Variants in CPNE1 observed in about 807,000 individuals in gnomAD.
The protein encoded by CPNE1 is copine-1.
A neutral mutation model predicts 63.2 loss-of-function variants in CPNE1; 58 were observed. That is an observed-to-expected ratio of 0.92 (90% CI 0.74 to 1.14). The LOEUF is 1.14. CPNE1 is among the 50% of genes most tolerant of loss of function. CPNE1 has a pLI of 0.00. For missense variants in CPNE1, 672 were observed against 661.7 expected (o/e 1.02, Z -0.17); for synonymous variants, 237 against 249.0 (o/e 0.95, Z 0.45).
At chr20:35,658,802 A>AACACACAC (rs10542710) in intron 1 of CPNE1, 256 of 473,544 alleles carry the variant, frequency 5.4e-4, no homozygotes, top group African/African-American at 1.6e-3. Context: ...AGCAAACAAA[A>AACACACAC]ACACACACAC....
At chr20:35,655,064 G>T (rs1250216283) in intron 1 of CPNE1, 2 of 1,614,050 alleles carry the variant, frequency 1.2e-6, no homozygotes, top group South Asian at 1.1e-5. Context: ...AAACGCCTAC[G>T]ACTCAGTTCA....
At chr20:35,655,355 G>A in intron 1 of CPNE1, 3 of 1,576,992 alleles carry the variant, frequency 1.9e-6, no homozygotes, top group African/African-American at 1.4e-5. Context: ...CTGCAGATGA[G>A]AAAAGGCAAC....
At chr20:35,658,913 T>C (rs976825639) in intron 1 of CPNE1, 3 of 713,310 alleles carry the variant, frequency 4.2e-6, no homozygotes, top group Admixed American at 2.0e-5. Flanking sequence ...ACGAACTCTC[T>C]ATTCAAAATC....
chr20:35,644,998 C>A (rs181493049), intron 1 of CPNE1, among the ~76,000 whole-genome samples: 13 of 152,156 alleles, frequency 8.5e-5, no homozygotes, highest in Admixed American at 8.5e-4. Flanking sequence ...CCATCCCTCC[C>A]GGCTGAAATC....
chr20:35,629,075 TACACACACACAC>T (rs371334408), intron 13 of CPNE1, among the ~76,000 whole-genome samples: 1 of 151,726 alleles, frequency 6.6e-6, no homozygotes, highest in African/African-American at 2.4e-5. Context: ...TATACATGTG[TACACACACACAC>T]ACATATACAC....
chr20:35,660,432 G>A (rs2034170778), intron 1 of CPNE1, among the ~76,000 whole-genome samples: 1 of 152,104 alleles, frequency 6.6e-6, no homozygotes, highest in Non-Finnish European at 1.5e-5. Flanking sequence ...TACCCAGGCT[G>A]GTCTCTTAAC....
rs2032206719 is a variant in CPNE1, at chr20:35,632,318, G to A, written c.377C>T (p.Thr126Ile). 1 of 1,614,002 alleles carries A rather than the reference G, an allele frequency of 6.2e-7. No homozygotes were observed. Among genetic ancestry groups the A allele is most frequent in the Non-Finnish European group, 8.5e-7 (1 of 1,179,958 alleles). Reference sequence around the variant, plus strand: ...CCTTGCTGGGTTCCTTACCGTGATGGTCCCCCGCCCAGCAGGTTTTCCAGG... The same window carrying A: ...CCTTGCTGGGTTCCTTACCGTGATGATCCCCCGCCCAGCAGGTTTTCCAGG... ...LKPGKPAGRG[T>I]ITVSAQELKD... Residue 126 changes from threonine (T) to isoleucine (I), a missense_variant, in exon 4 of 16, where the codon ACC becomes ATC. Thr to Ile is a moderately conservative substitution (Grantham distance 89). Transcript: ENST00000397443.
Position 35,632,636 on chromosome 20 carries a change from G to A in CPNE1, c.190C>T (p.Leu64Phe). Residue 64 changes from leucine (L) to phenylalanine (F), a missense_variant, in exon 3 of 16, where the codon CTT becomes TTT. Physicochemically the swap from Leu to Phe is conservative, Grantham distance 22 (BLOSUM62 0). Transcript: ENST00000397443. ...SSPEFSKTLQLEYRFETVQKL... is the reference protein window; with the variant it reads ...SSPEFSKTLQFEYRFETVQKL... ...TGGACTGTCTCAAAGCGGTACTCAA[G>A]CTGTAGAGTCTTGGAGAACTCAGGG... is the stretch of plus-strand genomic sequence containing the variant. 3 of 1,504,244 alleles carry A rather than the reference G, an allele frequency of 2.0e-6. No homozygotes were observed. The highest frequency in any genetic ancestry group is 2.3e-5 in the South Asian group (2 of 88,836). The allele number at this position is 1,504,244 out of a possible 1,614,324, so 93.2% of individuals were successfully genotyped here.
At chr20:35,641,438 C>T (rs1481658708) in intron 1 of CPNE1, among the ~76,000 whole-genome samples, 3 of 152,134 alleles carry the variant, frequency 2.0e-5, no homozygotes, top group Non-Finnish European at 2.9e-5. Flanking sequence ...GGCCTTATTC[C>T]TTCCTAGCCA....
At chr20:35,646,275 A>G (rs1016972330) in intron 1 of CPNE1, among the ~76,000 whole-genome samples, 23 of 149,948 alleles carry the variant, frequency 1.5e-4, no homozygotes, top group African/African-American at 3.7e-4. Context: ...AAAAAAAAAA[A>G]AAAGAAACAA....
At chr20:35,664,268 T>G (rs2034407826) in intron 1 of CPNE1, 2 of 152,298 alleles carry the variant, frequency 1.3e-5, no homozygotes, top group African/African-American at 4.8e-5. Context: ...TCCCCACAGG[T>G]GTGACCTGGG....
chr20:35,629,799 C>T (rs1692941903), intron 13 of CPNE1, among the ~76,000 whole-genome samples: 1 of 152,004 alleles, frequency 6.6e-6, no homozygotes, highest in African/African-American at 2.4e-5. Flanking sequence ...GCTAGAACTA[C>T]AGGCGCCTGC....
intron 13 of CPNE1, among the ~76,000 whole-genome samples, chr20:35,629,654 C>G (rs541130830): frequency 1.3e-5 from 2 of 149,420 alleles, no homozygotes; most frequent in African/African-American, 2.4e-5. Context: ...CATGTGGCAT[C>G]ATTTTTTTTT....
At chr20:35,652,280 C>A in intron 1 of CPNE1, 1 of 425,028 alleles carries the variant, frequency 2.4e-6, no homozygotes, top group Non-Finnish European at 4.2e-6. Context: ...CAAATGGTTT[C>A]TCTAATGGTA....
chr20:35,663,619 C>A (rs1280170552), intron 1 of CPNE1, among the ~76,000 whole-genome samples: 1 of 152,138 alleles, frequency 6.6e-6, no homozygotes, highest in Non-Finnish European at 1.5e-5. Context: ...GCCCAGAAAT[C>A]TCTTAAAGTC....
chr20:35,645,836 AATCT>A (rs2033065446), intron 1 of CPNE1, among the ~76,000 whole-genome samples: 1 of 152,214 alleles, frequency 6.6e-6, no homozygotes, highest in Non-Finnish European at 1.5e-5. Context: ...CCCCCACTGC[AATCT>A]AATGTGTGGA....
chr20:35,627,681 A>AT (rs1304075866), intron 13 of CPNE1: 1 of 340,732 alleles, frequency 2.9e-6, no homozygotes. Context: ...TGAGCATCAG[A>AT]TTATAACCTA....
chr20:35,647,825 T>TG (rs1422692279), intron 1 of CPNE1, among the ~76,000 whole-genome samples: 1 of 142,220 alleles, frequency 7.0e-6, no homozygotes, highest in East Asian at 2.0e-4. Flanking sequence ...GAGGCCGAGG[T>TG]GGGCGGATCA....
Position 35,631,750 on chromosome 20 carries a change from AT to A in CPNE1, c.564del (p.Trp189GlyfsTer80). The A allele has an allele frequency of 6.2e-7, 1 of 1,613,988 alleles. No individual in the cohort carries two copies. On this transcript the variant is annotated frameshift_variant, in exon 7 of 16. Coordinates refer to ENST00000397443, the MANE Select transcript of CPNE1 (RefSeq NM_152925.3). LOFTEE classifies it high-confidence loss of function. ...SEVIKNNLNP[T>X]WKRFSVPVQH... ...TGAACGGGGACTGAGAAACGCTTCCATGTAGGGTTCAGGTTGTTCTTGATGA... is the reference window on the plus strand; with the variant it reads ...TGAACGGGGACTGAGAAACGCTTCCAGTAGGGTTCAGGTTGTTCTTGATGA...
Sources: gnomAD v4.1 joint callset for allele counts (sites outside exome capture counted in the v4.1 genomes callset) on GRCh38, gnomAD v4.1.1 for gene constraint, MANE v1.5 for transcripts, NCBI Gene and HGNC (gene_info 2026-07-23, HGNC 2026-07-21) for gene names.